BBS9: variants seen among roughly 807,000 people sequenced by gnomAD.
BBS9 encodes Bardet-Biedl syndrome 9.
In BBS9, 89 loss-of-function variants were observed where a neutral mutation model predicts 117.7. The ratio of observed to expected loss-of-function variants is 0.76; its 90% CI spans 0.64 to 0.90. The LOEUF is 0.90. Among genes scored for constraint, BBS9 ranks in the 40% least tolerant of loss-of-function variants. The pLI is 0.00. For missense variants in BBS9, 982 were observed against 1,042.2 expected (o/e 0.94, Z 0.80); for synonymous variants, 379 against 370.9 (o/e 1.02, Z -0.25).
chr7:33,502,412 G>A (rs1845584270), intron 19 of BBS9, among the ~76,000 whole-genome samples: 1 of 152,088 alleles, frequency 6.6e-6, no homozygotes, highest in South Asian at 2.1e-4. Context: ...AATGTAAACC[G>A]TAGCCCATTG....
At chr7:33,316,263 ACATT>A (rs892809368) in intron 9 of BBS9, among the ~76,000 whole-genome samples, 1 of 152,144 alleles carries the variant, frequency 6.6e-6, no homozygotes, top group African/African-American at 2.4e-5. Context: ...CTATTTTTTA[ACATT>A]CATCTGTGTT....
At chr7:33,248,180 G>A (rs1015341583) in intron 5 of BBS9, among the ~76,000 whole-genome samples, 7 of 152,136 alleles carry the variant, frequency 4.6e-5, no homozygotes, top group African/African-American at 1.7e-4. Flanking sequence ...TTGAATTATA[G>A]TTGAGAATTT....
In BBS9 at chr7:33,439,790, G is replaced by C. The variant is rs140334475; in HGVS notation, c.2115+51646G>C. Among the ~76,000 whole-genome samples, 3 of 152,280 alleles carry C rather than the reference G, an allele frequency of 2.0e-5. No individual in the cohort carries two copies. The East Asian group carries it at 5.8e-4, about 29-fold the overall frequency. On this transcript the variant is annotated intron_variant, in intron 19 of 22. Transcript: ENST00000242067. ...GGTCCACCTGCTTCGGCCTCCCAAA[G>C]TGTTGGGATTACAGGCGTGAGCCAC...
rs115461130 is a variant in BBS9 at position 33,446,418 on chromosome 7, T to C, written c.2115+58274T>C. Among the ~76,000 whole-genome samples, 877 of 152,294 alleles carry C rather than the reference T, an allele frequency of 5.8e-3. 7 individuals are homozygous for C. The highest frequency in any genetic ancestry group is 0.02 in the African/African-American group (828 of 41,560). ...TAATTAAACCAAATGTTAAATCTGT[T>C]TTTTTTGAAAAAGCTTGAAATTCCC... On this transcript the variant is annotated intron_variant, in intron 19 of 22. Coordinates refer to ENST00000242067, the MANE Select transcript of BBS9 (RefSeq NM_198428.3).
intron 21 of BBS9, among the ~76,000 whole-genome samples, chr7:33,542,485 C>G (rs1228469177): frequency 3.3e-5 from 5 of 152,072 alleles, no homozygotes; most frequent in South Asian, 4.1e-4. Flanking sequence ...GCCCTCCTCC[C>G]ACTCTTTCCC....
At chr7:33,520,937 C>A (rs921019073) in intron 20 of BBS9, among the ~76,000 whole-genome samples, 1 of 152,062 alleles carries the variant, frequency 6.6e-6, no homozygotes, top group African/African-American at 2.4e-5. Flanking sequence ...TGTAATTTAC[C>A]ACCACCAGAA....
intron 21 of BBS9, among the ~76,000 whole-genome samples, chr7:33,602,482 A>C (rs1863949746): frequency 6.6e-6 from 1 of 152,120 alleles, no homozygotes. Flanking sequence ...TAATCCCAGC[A>C]CTTTGGGAGG....
At chr7:33,407,118 A>T (rs934088491) in intron 19 of BBS9, among the ~76,000 whole-genome samples, 2 of 152,160 alleles carry the variant, frequency 1.3e-5, no homozygotes, top group African/African-American at 4.8e-5. Flanking sequence ...TATTTCTTGG[A>T]GGCTTTGCTC....
chr7:33,415,124 T>C (rs533898869), intron 19 of BBS9, among the ~76,000 whole-genome samples: 3 of 152,230 alleles, frequency 2.0e-5, no homozygotes, highest in African/African-American at 7.2e-5. Context: ...CATGGTGGGC[T>C]TCTTGGGGTA....
chr7:33,540,786 A>G (rs547125435), intron 21 of BBS9, among the ~76,000 whole-genome samples: 1 of 152,342 alleles, frequency 6.6e-6, no homozygotes, highest in South Asian at 2.1e-4. Flanking sequence ...AGTCCTTTGC[A>G]GGACTGCAGA....
At chr7:33,133,853 T>G (rs1790011584) in intron 1 of BBS9, among the ~76,000 whole-genome samples, 1 of 152,178 alleles carries the variant, frequency 6.6e-6, no homozygotes, top group African/African-American at 2.4e-5. Flanking sequence ...GGTAATTCTG[T>G]GTTTAAGTGT....
chr7:33,326,591 A>G (rs759883170), intron 9 of BBS9, among the ~76,000 whole-genome samples: 2 of 151,924 alleles, frequency 1.3e-5, no homozygotes, highest in African/African-American at 2.4e-5. Context: ...GAATGTGCTG[A>G]CCGGAAGCCA....
At chr7:33,267,827 A>T (rs1799084483) in intron 7 of BBS9, among the ~76,000 whole-genome samples, 1 of 152,176 alleles carries the variant, frequency 6.6e-6, no homozygotes, top group Admixed American at 6.5e-5. Flanking sequence ...GTATAATTCC[A>T]TCTTTCCATC....
At chr7:33,329,068 T>G (rs1813438149) in intron 9 of BBS9, among the ~76,000 whole-genome samples, 1 of 152,014 alleles carries the variant, frequency 6.6e-6, no homozygotes. Flanking sequence ...TGTCCCAGGC[T>G]GGAGTGCAGT....
At chr7:33,552,106 A>C (rs1165969774) in intron 21 of BBS9, among the ~76,000 whole-genome samples, 1 of 152,148 alleles carries the variant, frequency 6.6e-6, no homozygotes, top group Non-Finnish European at 1.5e-5. Flanking sequence ...TGTGACATAA[A>C]AGAATTTTCA....
At chr7:33,455,900 G>A (rs185252346) in intron 19 of BBS9, among the ~76,000 whole-genome samples, 36 of 152,252 alleles carry the variant, frequency 2.4e-4, no homozygotes, top group African/African-American at 8.7e-4. Flanking sequence ...TTGTTTATTA[G>A]TGCCATTGAG....
intron 9 of BBS9, among the ~76,000 whole-genome samples, chr7:33,326,751 C>T (rs1316753627): frequency 9.9e-5 from 15 of 151,826 alleles, no homozygotes; most frequent in African/African-American, 3.4e-4. Flanking sequence ...TCCCTTCTGG[C>T]CCAGGGTATG....
At chr7:33,348,839 A>C (rs973450751) in intron 12 of BBS9, among the ~76,000 whole-genome samples, 1 of 152,168 alleles carries the variant, frequency 6.6e-6, no homozygotes, top group African/African-American at 2.4e-5. Flanking sequence ...TTGCATGTAC[A>C]TATTGCCAAT....
chr7:33,154,558 C>T (rs1793826575), intron 3 of BBS9, among the ~76,000 whole-genome samples: 2 of 152,096 alleles, frequency 1.3e-5, no homozygotes. Flanking sequence ...CTCCGCCTCC[C>T]AGATTCAAGC....
Sources: gnomAD v4.1 joint callset for allele counts (sites outside exome capture counted in the v4.1 genomes callset) on GRCh38, gnomAD v4.1.1 for gene constraint, MANE v1.5 for transcripts, NCBI Gene and HGNC (gene_info 2026-07-23, HGNC 2026-07-21) for gene names.